GRID2: variants seen among roughly 807,000 people sequenced by gnomAD.
GRID2 encodes the protein glutamate ionotropic receptor delta type subunit 2, also known as glutamate receptor ionotropic, delta-2.
A neutral mutation model predicts 114.8 loss-of-function variants in GRID2; 33 were observed. The observed-to-expected ratio is 0.29, with a 90% CI of 0.22 to 0.38. The LOEUF is 0.38. Ranked by LOEUF, GRID2 falls within the 10% of genes least tolerant of loss-of-function variation. The pLI, the probability that GRID2 is intolerant of heterozygous loss-of-function variation, is 1.00. For synonymous variants in GRID2, 505 were observed against 449.9 expected (o/e 1.12, Z -1.55); for missense variants, 1,184 against 1,257.7 (o/e 0.94, Z 0.89).
At chr4:92,948,448 A>G (rs1041228810) in intron 2 of GRID2, among the ~76,000 whole-genome samples, 6 of 151,846 alleles carry the variant, frequency 4.0e-5, no homozygotes, top group Non-Finnish European at 7.4e-5. Context: ...AAATACATGC[A>G]TTATTGTTAT....
intron 8 of GRID2, among the ~76,000 whole-genome samples, chr4:93,302,831 A>C (rs1243196621): frequency 6.6e-6 from 1 of 152,244 alleles, no homozygotes; most frequent in Non-Finnish European, 1.5e-5. Context: ...CTACATGAAT[A>C]TTTCCATGTT....
intron 2 of GRID2, among the ~76,000 whole-genome samples, chr4:92,644,563 C>G (rs1348980424): frequency 6.6e-6 from 1 of 151,602 alleles, no homozygotes; most frequent in Non-Finnish European, 1.5e-5. Flanking sequence ...AGCTTTTTGT[C>G]TGGTGAGTAG....
At chr4:93,012,427 A>G (rs79063825) in intron 2 of GRID2, among the ~76,000 whole-genome samples, 1 of 152,072 alleles carries the variant, frequency 6.6e-6, no homozygotes, top group South Asian at 2.1e-4. Context: ...TCCACACCAA[A>G]ATAAAATCTA....
At chr4:93,705,670 A>G (rs1476584997) in intron 14 of GRID2, among the ~76,000 whole-genome samples, 7 of 152,148 alleles carry the variant, frequency 4.6e-5, no homozygotes, top group Non-Finnish European at 2.9e-5. Flanking sequence ...TTTGCCATGC[A>G]GAAACTTTTT....
At chr4:92,921,340 C>G (rs1461315267) in intron 2 of GRID2, among the ~76,000 whole-genome samples, 1 of 152,182 alleles carries the variant, frequency 6.6e-6, no homozygotes, top group African/African-American at 2.4e-5. Context: ...AAGCTTTCTT[C>G]TCTCAACTCG....
chr4:93,201,083 C>G (rs1024098774), intron 4 of GRID2, among the ~76,000 whole-genome samples: 3 of 152,094 alleles, frequency 2.0e-5, no homozygotes, highest in Non-Finnish European at 1.5e-5. Flanking sequence ...AATAAAGGTA[C>G]TAAATCTGAC....
At chr4:93,040,000 C>G (rs1280064024) in intron 2 of GRID2, among the ~76,000 whole-genome samples, 1 of 152,092 alleles carries the variant, frequency 6.6e-6, no homozygotes, top group African/African-American at 2.4e-5. Context: ...GTCAAATGCA[C>G]AGGAATTTAG....
At chr4:93,620,380 A>T (rs1282293218) in intron 13 of GRID2, among the ~76,000 whole-genome samples, 1 of 152,186 alleles carries the variant, frequency 6.6e-6, no homozygotes, top group African/African-American at 2.4e-5. Flanking sequence ...TAAATTAAAG[A>T]TTCATGTGAG....
intron 2 of GRID2, among the ~76,000 whole-genome samples, chr4:92,644,986 T>C (rs1391765977): frequency 6.6e-6 from 1 of 151,496 alleles, no homozygotes; most frequent in Non-Finnish European, 1.5e-5. Flanking sequence ...TTAAGGAATA[T>C]TTTTAACATA....
At chr4:93,295,679 G>A (rs1159198307) in intron 8 of GRID2, among the ~76,000 whole-genome samples, 1 of 151,692 alleles carries the variant, frequency 6.6e-6, no homozygotes, top group African/African-American at 2.4e-5. Context: ...TTGATATTAA[G>A]GCTGTTCAAC....
intron 12 of GRID2, among the ~76,000 whole-genome samples, chr4:93,491,440 G>A (rs959733316): frequency 6.6e-5 from 10 of 151,752 alleles, no homozygotes; most frequent in Admixed American, 3.3e-4. Context: ...TGCCATTTCC[G>A]TAAGCCCGTG....
chr4:92,524,407 CTTTTTTTTT>C (rs869060153), intron 1 of GRID2, among the ~76,000 whole-genome samples: 10 of 106,550 alleles, frequency 9.4e-5, no homozygotes, highest in Admixed American at 3.0e-4. Flanking sequence ...ATTTCCTTGT[CTTTTTTTTT>C]TTTTTTTTTT....
chr4:93,412,688 G>A (rs549891246), intron 9 of GRID2, among the ~76,000 whole-genome samples: 3 of 152,060 alleles, frequency 2.0e-5, no homozygotes, highest in East Asian at 3.9e-4. Flanking sequence ...CTACCAACCC[G>A]TCATCTAGGG....
At chr4:93,120,848 G>C (rs1315662495) in intron 4 of GRID2, among the ~76,000 whole-genome samples, 2 of 152,118 alleles carry the variant, frequency 1.3e-5, no homozygotes, top group Admixed American at 1.3e-4. Flanking sequence ...AGCTACTCAG[G>C]AGGCTGAGGC....
At chr4:92,709,592 ATAT>A (rs1560545433) in intron 2 of GRID2, among the ~76,000 whole-genome samples, 35 of 105,222 alleles carry the variant, frequency 3.3e-4, no homozygotes, top group African/African-American at 1.2e-3. Context: ...AAAAAAAAAT[ATAT>A]ATATATATAT....
chr4:93,287,007 C>T (rs1753244368), intron 8 of GRID2, among the ~76,000 whole-genome samples: 2 of 151,760 alleles, frequency 1.3e-5, no homozygotes, highest in African/African-American at 4.8e-5. Flanking sequence ...ATTGTGAAAT[C>T]AAGGTAAGAA....
chr4:92,822,973 C>A (rs1216542019), intron 2 of GRID2: 1 of 151,988 alleles, frequency 6.6e-6, no homozygotes, highest in African/African-American at 2.4e-5. Flanking sequence ...TCAGAGAGAC[C>A]AGAGGGACAA....
chr4:93,179,781 C>T (rs1191937251), intron 4 of GRID2, among the ~76,000 whole-genome samples: 1 of 152,052 alleles, frequency 6.6e-6, no homozygotes, highest in African/African-American at 2.4e-5. Context: ...TAGATTTATT[C>T]TCAAACAACA....
chr4:93,170,559 A>G (rs1738707469), intron 4 of GRID2, among the ~76,000 whole-genome samples: 1 of 152,196 alleles, frequency 6.6e-6, no homozygotes. Context: ...CTGCTTCGCC[A>G]TAATAGCAGT....
Sources: allele counts gnomAD v4.1 joint callset (sites outside exome capture counted in the v4.1 genomes callset), GRCh38; gene constraint gnomAD v4.1.1; transcripts MANE v1.5; gene names NCBI Gene and HGNC (gene_info 2026-07-23, HGNC 2026-07-21).